LIMA1: variants seen among roughly 807,000 people sequenced by gnomAD.
The protein encoded by LIMA1 is LIM domain and actin-binding protein 1.
A neutral mutation model predicts 62.6 loss-of-function variants in LIMA1; 52 were observed. That is an observed-to-expected ratio of 0.83 (90% CI 0.67 to 1.05). LIMA1 has a LOEUF of 1.05. Among genes scored for constraint, LIMA1 ranks in the 50% least tolerant of loss-of-function variants. The pLI is 0.00. For synonymous variants in LIMA1, 302 were observed against 317.8 expected (o/e 0.95, Z 0.53); for missense variants, 780 against 902.2 (o/e 0.86, Z 1.74).
intron 9 of LIMA1, chr12:50,186,653 T>C (rs891949407): frequency 3.9e-5 from 6 of 152,254 alleles, no homozygotes; most frequent in African/African-American, 1.4e-4. Flanking sequence ...TCCTAAAACC[T>C]TGCTATATAA....
At chr12:50,217,813 A>T in intron 4 of LIMA1, 1 of 296,704 alleles carries the variant, frequency 3.4e-6, no homozygotes. Flanking sequence ...CCAGCCTGGG[A>T]AGTACACAGG....
chr12:50,177,874 G>A lies in LIMA1; in HGVS notation c.1470C>T (p.Ser490=). ...CAATAGGGGCATCTTCTACCCCTGG[G>A]CTGTGAGGGGTCTCCCTTGCATTTG... The part of the protein sequence containing the change: ...QLANARETPH[S]PGVEDAPIAK... The change falls in exon 11 of 11, where the codon AGC becomes AGT. Residue 490 remains serine, a synonymous_variant. Transcript: ENST00000341247. The A allele has an allele frequency of 6.2e-7, 1 of 1,613,170 alleles. No individual in the cohort carries two copies. Among genetic ancestry groups the A allele is most frequent in the Non-Finnish European group, 8.5e-7 (1 of 1,179,586 alleles).
chr12:50,247,790 G>A (rs1351145541), intron 2 of LIMA1, among the ~76,000 whole-genome samples: 1 of 151,820 alleles, frequency 6.6e-6, no homozygotes, highest in Non-Finnish European at 1.5e-5. Flanking sequence ...CACCATGCTC[G>A]ACTAATATTT....
intron 4 of LIMA1, among the ~76,000 whole-genome samples, chr12:50,212,345 G>A (rs1941272362): frequency 6.6e-6 from 1 of 152,182 alleles, no homozygotes; most frequent in Non-Finnish European, 1.5e-5. Flanking sequence ...GTCAAGGGCA[G>A]AGGAAGGTTG....
intron 1 of LIMA1, among the ~76,000 whole-genome samples, chr12:50,262,767 C>A (rs1942088127): frequency 1.3e-5 from 2 of 152,196 alleles, no homozygotes. Flanking sequence ...TGCAGTGGGC[C>A]ATGATCACAC....
chr12:50,268,292 G>A (rs1178014601), intron 1 of LIMA1, among the ~76,000 whole-genome samples: 2 of 152,136 alleles, frequency 1.3e-5, no homozygotes, highest in Non-Finnish European at 2.9e-5. Flanking sequence ...ATTGAGAGAG[G>A]ATCACTGCTG....
chr12:50,261,248 T>G (rs1004647587), intron 1 of LIMA1, among the ~76,000 whole-genome samples: 5 of 151,386 alleles, frequency 3.3e-5, no homozygotes, highest in African/African-American at 1.2e-4. Context: ...AGAGATGGGT[T>G]TCACCGTGTT....
chr12:50,272,123 C>A (rs1009452845), intron 1 of LIMA1, among the ~76,000 whole-genome samples: 40 of 152,106 alleles, frequency 2.6e-4, no homozygotes, highest in African/African-American at 7.5e-4. Context: ...CCAGGAAGGG[C>A]CTGGCTTCCA....
intron 10 of LIMA1, 38 bp downstream of exon 10, chr12:50,181,860 AGAGTTC>A: frequency 5.6e-6 from 9 of 1,609,330 alleles, no homozygotes; most frequent in Non-Finnish European, 7.7e-6. Flanking sequence ...GACTCCCTCT[AGAGTTC>A]CAGTTATAGA....
chr12:50,276,196 G>C (rs140964129), intron 1 of LIMA1, among the ~76,000 whole-genome samples: 1 of 152,070 alleles, frequency 6.6e-6, no homozygotes, highest in Non-Finnish European at 1.5e-5. Context: ...TGAATTAGAA[G>C]ACTGATTAAA....
chr12:50,206,755 A>G (rs1941161124), intron 4 of LIMA1, among the ~76,000 whole-genome samples: 2 of 152,154 alleles, frequency 1.3e-5, no homozygotes, highest in African/African-American at 4.8e-5. Flanking sequence ...TGTAAGCACT[A>G]TGAAGTCTGA....
chr12:50,252,715 C>G (rs141053961), intron 1 of LIMA1, among the ~76,000 whole-genome samples: 292 of 151,570 alleles, frequency 1.9e-3, no homozygotes, highest in African/African-American at 6.8e-3. Flanking sequence ...ATCTTATGTG[C>G]TATTTACTTA....
chr12:50,207,121 C>T (rs1260021790), intron 4 of LIMA1, among the ~76,000 whole-genome samples: 1 of 152,116 alleles, frequency 6.6e-6, no homozygotes, highest in Non-Finnish European at 1.5e-5. Flanking sequence ...GACAGGGTTT[C>T]ACCATGTTGG....
At chr12:50,248,031 T>C (rs1941875512) in intron 2 of LIMA1, among the ~76,000 whole-genome samples, 1 of 152,226 alleles carries the variant, frequency 6.6e-6, no homozygotes, top group Non-Finnish European at 1.5e-5. Context: ...AATGATGAAA[T>C]GTTTCTGTGC....
Position 50,177,006 on chromosome 12 carries a change from A to G in LIMA1, c.*58T>C. On this transcript the variant is annotated 3_prime_UTR_variant, in exon 11 of 11. Transcript: ENST00000341247. ...TGCTTATGTGCATCACATTTTGACA[A>G]AGGGCAGTGGCTCGCTAACACTAAC... 1 of 1,352,390 alleles carries G rather than the reference A, an allele frequency of 7.4e-7. No individual in the cohort carries two copies. 83.8% of individuals were successfully genotyped at this position (1,352,390 alleles called of 1,614,324 possible). A position where few individuals can be genotyped will look rare whatever the true frequency, so the allele number is the denominator to read the frequency against.
At position 50,177,651 on chromosome 12, in the gene LIMA1, G is replaced by A; in HGVS notation, c.1693C>T (p.Pro565Ser). The change falls in exon 11 of 11, where the codon CCC (proline) becomes TCC (serine). Residue 565 changes from proline (P) to serine (S), a missense_variant. Physicochemically the swap from Pro to Ser is moderately conservative, Grantham distance 74. Coordinates refer to ENST00000341247, the MANE Select transcript of LIMA1 (RefSeq NM_016357.5). ...KWPPEDEISKPEVPEDVDLDL... is the reference protein window; with the variant it reads ...KWPPEDEISKSEVPEDVDLDL... Reference sequence around the variant, plus strand: ...AGATCGACATCCTCAGGAACTTCGGGCTTGCTGATTTCGTCTTCAGGAGGC... The same window carrying A: ...AGATCGACATCCTCAGGAACTTCGGACTTGCTGATTTCGTCTTCAGGAGGC... The A allele has an allele frequency of 6.2e-7, 1 of 1,607,706 alleles. No individual in the cohort carries two copies. The highest frequency in any genetic ancestry group is 8.5e-7 in the Non-Finnish European group (1 of 1,177,184).
At chr12:50,192,146 A>T (rs1940790084) in intron 9 of LIMA1, among the ~76,000 whole-genome samples, 1 of 151,226 alleles carries the variant, frequency 6.6e-6, no homozygotes, top group African/African-American at 2.4e-5. Context: ...AAAAAAAAAA[A>T]AAAGATAATA....
chr12:50,275,037 CAAGAT>C, intron 1 of LIMA1, among the ~76,000 whole-genome samples: 1 of 152,038 alleles, frequency 6.6e-6, no homozygotes, highest in African/African-American at 2.4e-5. Flanking sequence ...AGTGTGTTTG[CAAGAT>C]CAGATATATT....
intron 7 of LIMA1, among the ~76,000 whole-genome samples, chr12:50,197,682 A>G (rs888515432): frequency 4.6e-5 from 7 of 152,234 alleles, no homozygotes; most frequent in Non-Finnish European, 8.8e-5. Context: ...GACGAAGGAA[A>G]CATGAATTTA....
Sources: gnomAD v4.1 joint callset for allele counts (sites outside exome capture counted in the v4.1 genomes callset) on GRCh38, gnomAD v4.1.1 for gene constraint, MANE v1.5 for transcripts, NCBI Gene and HGNC (gene_info 2026-07-23, HGNC 2026-07-21) for gene names.